CNTNAP2: variants seen among roughly 807,000 people sequenced by gnomAD.
The protein encoded by CNTNAP2 is contactin associated protein 2.
Under a neutral mutation model 155.2 loss-of-function variants are expected in CNTNAP2, and 98 were observed. The ratio of observed to expected loss-of-function variants is 0.63; its 90% CI spans 0.54 to 0.75. The LOEUF (loss-of-function observed/expected upper bound fraction) is 0.75, where lower values mean the gene tolerates loss of function less well. Ranked by LOEUF, CNTNAP2 falls within the 30% of genes least tolerant of loss-of-function variation. The probability of loss-of-function intolerance (pLI) is 0.00; values close to 1 mark genes in which losing one functional copy is unlikely to be tolerated. For missense variants in CNTNAP2, 1,727 were observed against 1,688.1 expected (o/e 1.02, Z -0.40); for synonymous variants, 651 against 631.2 (o/e 1.03, Z -0.47).
At chr7:147,748,897 G>A (rs915191509) in intron 13 of CNTNAP2, among the ~76,000 whole-genome samples, 1 of 152,184 alleles carries the variant, frequency 6.6e-6, no homozygotes, top group Non-Finnish European at 1.5e-5. Flanking sequence ...GGGACCAGAG[G>A]AAACATTTCC....
intron 8 of CNTNAP2, among the ~76,000 whole-genome samples, chr7:147,143,216 A>G (rs1801636186): frequency 6.6e-6 from 1 of 152,082 alleles, no homozygotes. Flanking sequence ...AAACAAGTCC[A>G]TTCCACACAT....
chr7:148,267,654 CAA>C (rs767655781), intron 21 of CNTNAP2, among the ~76,000 whole-genome samples: 5 of 87,096 alleles, frequency 5.7e-5, no homozygotes, highest in East Asian at 4.3e-4. Flanking sequence ...GACTCTGTCT[CAA>C]AAAAAAAAAA....
At chr7:147,258,482 T>C (rs567419321) in intron 8 of CNTNAP2, among the ~76,000 whole-genome samples, 2 of 152,286 alleles carry the variant, frequency 1.3e-5, no homozygotes, top group African/African-American at 4.8e-5. Flanking sequence ...CTTCACATTT[T>C]TTTTTGCTTA....
At chr7:147,061,543 T>C (rs1799674948) in intron 4 of CNTNAP2, among the ~76,000 whole-genome samples, 1 of 152,190 alleles carries the variant, frequency 6.6e-6, no homozygotes, top group East Asian at 1.9e-4. Context: ...TGCACACACT[T>C]GTATGTACAT....
intron 1 of CNTNAP2, among the ~76,000 whole-genome samples, chr7:146,121,992 G>A (rs1797570106): frequency 6.6e-6 from 1 of 152,164 alleles, no homozygotes; most frequent in Non-Finnish European, 1.5e-5. Flanking sequence ...TTAGTTCTGA[G>A]CAGATAAGGA....
chr7:147,504,779 G>A (rs977393276), intron 11 of CNTNAP2, among the ~76,000 whole-genome samples: 7 of 149,330 alleles, frequency 4.7e-5, no homozygotes, highest in African/African-American at 1.5e-4. Flanking sequence ...AAATTATATC[G>A]AGATTGTATT....
chr7:147,192,859 A>G (rs1030903935), intron 8 of CNTNAP2, among the ~76,000 whole-genome samples: 1 of 152,196 alleles, frequency 6.6e-6, no homozygotes, highest in Non-Finnish European at 1.5e-5. Flanking sequence ...TGACTAGTGG[A>G]TGATTAGATT....
chr7:148,294,917 G>A (rs1030629438), intron 21 of CNTNAP2, among the ~76,000 whole-genome samples: 5 of 152,014 alleles, frequency 3.3e-5, no homozygotes, highest in South Asian at 2.1e-4. Flanking sequence ...TTACCAACCA[G>A]CATTTATTTT....
chr7:146,866,160 T>C (rs1052002701), intron 3 of CNTNAP2, among the ~76,000 whole-genome samples: 6 of 152,126 alleles, frequency 3.9e-5, no homozygotes, highest in Non-Finnish European at 8.8e-5. Flanking sequence ...TTTTACTTTT[T>C]GAAACATTGG....
chr7:147,838,910 A>G (rs2116648035), intron 13 of CNTNAP2, among the ~76,000 whole-genome samples: 1 of 152,212 alleles, frequency 6.6e-6, no homozygotes, highest in South Asian at 2.1e-4. Flanking sequence ...GGTTCTCTAG[A>G]GGGACAGAAC....
At chr7:146,696,745 AT>A (rs970085557) in intron 1 of CNTNAP2, among the ~76,000 whole-genome samples, 2 of 151,986 alleles carry the variant, frequency 1.3e-5, no homozygotes, top group African/African-American at 4.8e-5. Flanking sequence ...AACTATTTTT[AT>A]TTTTTCTTCA....
intron 15 of CNTNAP2, among the ~76,000 whole-genome samples, chr7:147,995,851 C>CT (rs1455451310): frequency 2.0e-5 from 3 of 152,012 alleles, no homozygotes; most frequent in African/African-American, 7.2e-5. Flanking sequence ...AGAAAAAAGA[C>CT]TGTGCTCTTT....
intron 12 of CNTNAP2, among the ~76,000 whole-genome samples, chr7:147,624,544 A>C (rs147907518): frequency 6.6e-6 from 1 of 152,234 alleles, no homozygotes; most frequent in Non-Finnish European, 1.5e-5. Context: ...AATGCAAATC[A>C]AAACAACAAT....
At chr7:146,346,428 T>G (rs962365404) in intron 1 of CNTNAP2, among the ~76,000 whole-genome samples, 17 of 152,126 alleles carry the variant, frequency 1.1e-4, no homozygotes, top group African/African-American at 3.9e-4. Context: ...ATGCCTATAA[T>G]CCCAGCACTT....
intron 4 of CNTNAP2, among the ~76,000 whole-genome samples, chr7:147,047,398 G>A (rs554315956): frequency 1.3e-5 from 2 of 151,500 alleles, no homozygotes; most frequent in Non-Finnish European, 2.9e-5. Flanking sequence ...TTTGAAAGAG[G>A]TTATGCTTAT....
chr7:146,658,447 T>TA (rs1334620988), intron 1 of CNTNAP2, among the ~76,000 whole-genome samples: 29 of 152,066 alleles, frequency 1.9e-4, no homozygotes, highest in African/African-American at 7.0e-4. Context: ...AAAGGAATAT[T>TA]CATCCTTTTC....
chr7:146,891,680 A>C, intron 3 of CNTNAP2, among the ~76,000 whole-genome samples: 1 of 152,102 alleles, frequency 6.6e-6, no homozygotes, highest in African/African-American at 2.4e-5. Flanking sequence ...ACATGAACAT[A>C]ACAACAGCAA....
chr7:147,759,958 A>G (rs1797274563), intron 13 of CNTNAP2, among the ~76,000 whole-genome samples: 1 of 152,022 alleles, frequency 6.6e-6, no homozygotes, highest in Non-Finnish European at 1.5e-5. Context: ...TACCTTCAGG[A>G]GGCCTGATTA....
chr7:147,636,136 AAGGCAGTTACAAAG>A (rs137944127), intron 12 of CNTNAP2, among the ~76,000 whole-genome samples: 6,648 of 152,270 alleles, frequency 0.044, 488 homozygotes, highest in African/African-American at 0.15. Flanking sequence ...GAACTAAAGG[AAGGCAGTTACAAAG>A]AGGCTAAAGG....
Sources: gnomAD v4.1 joint callset for allele counts (sites outside exome capture counted in the v4.1 genomes callset) on GRCh38, gnomAD v4.1.1 for gene constraint, MANE v1.5 for transcripts, NCBI Gene and HGNC (gene_info 2026-07-23, HGNC 2026-07-21) for gene names.